PDE4D: variants seen among roughly 807,000 people sequenced by gnomAD.
PDE4D encodes the protein phosphodiesterase 4D.
A neutral mutation model predicts 87.4 loss-of-function variants in PDE4D; 24 were observed. The ratio of observed to expected loss-of-function variants is 0.27; its 90% confidence interval spans 0.20 to 0.39. The LOEUF (loss-of-function observed/expected upper bound fraction) is 0.39. Ranked by LOEUF, PDE4D falls within the 10% of genes least tolerant of loss-of-function variation. The pLI, the probability that PDE4D is intolerant of heterozygous loss-of-function variation, is 1.00. For missense variants in PDE4D, 714 were observed against 1,041.0 expected (o/e 0.69, Z 4.32); for synonymous variants, 384 against 383.2 (o/e 1.00, Z -0.02).
chr5:59,697,863 A>G (rs192407705), intron 1 of PDE4D, among the ~76,000 whole-genome samples: 7 of 152,294 alleles, frequency 4.6e-5, no homozygotes, highest in African/African-American at 1.4e-4. Flanking sequence ...AATTGTCCCA[A>G]TGGATCTAGC....
chr5:59,455,446 G>A (rs1044286339), intron 1 of PDE4D, among the ~76,000 whole-genome samples: 1 of 152,228 alleles, frequency 6.6e-6, no homozygotes, highest in Non-Finnish European at 1.5e-5. Flanking sequence ...CAAGAATTGA[G>A]GTTTGGGAAC....
At chr5:59,940,969 AT>A (rs1757114345) in intron 3 of PDE4D, among the ~76,000 whole-genome samples, 1 of 152,054 alleles carries the variant, frequency 6.6e-6, no homozygotes, top group South Asian at 2.1e-4. Context: ...TATGGGTTAT[AT>A]TTTTTGTTTC....
intron 1 of PDE4D, among the ~76,000 whole-genome samples, chr5:60,436,638 C>T (rs1049201648): frequency 6.6e-6 from 1 of 152,052 alleles, no homozygotes; most frequent in Non-Finnish European, 1.5e-5. Context: ...AGTATGATTG[C>T]CCACTGCCTA....
At chr5:59,777,711 C>A (rs1764215469) in intron 1 of PDE4D, among the ~76,000 whole-genome samples, 1 of 152,120 alleles carries the variant, frequency 6.6e-6, no homozygotes, top group Admixed American at 6.6e-5. Flanking sequence ...GATCCTATTT[C>A]TTTATATTCA....
chr5:59,068,668 G>A (rs1478075912), intron 5 of PDE4D, among the ~76,000 whole-genome samples: 3 of 152,176 alleles, frequency 2.0e-5, no homozygotes, highest in African/African-American at 7.2e-5. Context: ...CAACATGTAA[G>A]CACATGTAAA....
chr5:60,434,153 G>C (rs762766460), intron 1 of PDE4D, among the ~76,000 whole-genome samples: 41 of 152,136 alleles, frequency 2.7e-4, no homozygotes, highest in Non-Finnish European at 5.7e-4. Flanking sequence ...GATGACACTT[G>C]AATTCAGCTT....
intron 1 of PDE4D, among the ~76,000 whole-genome samples, chr5:60,194,147 A>G (rs1306403126): frequency 6.6e-6 from 1 of 151,608 alleles, no homozygotes; most frequent in Non-Finnish European, 1.5e-5. Context: ...ATTTGAAAAA[A>G]AATGTCTGTT....
intron 1 of PDE4D, among the ~76,000 whole-genome samples, chr5:60,446,985 G>T (rs955428911): frequency 6.6e-6 from 1 of 152,146 alleles, no homozygotes; most frequent in Non-Finnish European, 1.5e-5. Flanking sequence ...AATTCTCCAG[G>T]AATGATAAAG....
intron 1 of PDE4D, among the ~76,000 whole-genome samples, chr5:59,575,892 G>C (rs1823063489): frequency 6.6e-6 from 1 of 152,060 alleles, no homozygotes; most frequent in South Asian, 2.1e-4. Flanking sequence ...TTCTTGCTGA[G>C]GCTTGAGAGA....
chr5:59,898,567 G>A (rs143284926), upstream of PDE4D, among the ~76,000 whole-genome samples: 74 of 152,314 alleles, frequency 4.9e-4, no homozygotes, highest in African/African-American at 1.6e-3. Flanking sequence ...CAGTATGTGT[G>A]AATACATATG....
intron 2 of PDE4D, among the ~76,000 whole-genome samples, chr5:60,181,344 G>GT: frequency 6.6e-6 from 1 of 152,028 alleles, no homozygotes; most frequent in Non-Finnish European, 1.5e-5. Flanking sequence ...ATATTCTAGG[G>GT]AGCCTACTGG....
intron 2 of PDE4D, among the ~76,000 whole-genome samples, chr5:59,994,136 T>C (rs1469344282): frequency 6.6e-6 from 1 of 151,912 alleles, no homozygotes; most frequent in East Asian, 1.9e-4. Flanking sequence ...AAGTAGACAA[T>C]AAACTACTTA....
intron 6 of PDE4D, among the ~76,000 whole-genome samples, chr5:59,001,799 A>T (rs1432545132): frequency 6.6e-6 from 1 of 152,232 alleles, no homozygotes; most frequent in Admixed American, 6.5e-5. Flanking sequence ...TATTTAAAGT[A>T]GTTCTTAGTA....
At chr5:60,359,223 A>G (rs1048879217) in intron 1 of PDE4D, among the ~76,000 whole-genome samples, 1 of 152,186 alleles carries the variant, frequency 6.6e-6, no homozygotes, top group Non-Finnish European at 1.5e-5. Flanking sequence ...CCTGGGCAAC[A>G]TGACAAAACC....
chr5:59,199,310 C>G (rs917351413), intron 2 of PDE4D, among the ~76,000 whole-genome samples: 1 of 149,604 alleles, frequency 6.7e-6, no homozygotes, highest in Admixed American at 6.7e-5. Context: ...CCAGACTGGC[C>G]TTGAACTCCT....
intron 1 of PDE4D, among the ~76,000 whole-genome samples, chr5:60,451,674 T>G (rs1212804097): frequency 6.6e-6 from 1 of 152,068 alleles, no homozygotes; most frequent in African/African-American, 2.4e-5. Flanking sequence ...TGCAGAAGTT[T>G]GAATGGAGTT....
chr5:59,692,052 A>C (rs1463001646), intron 1 of PDE4D, among the ~76,000 whole-genome samples: 1 of 152,170 alleles, frequency 6.6e-6, no homozygotes, highest in Non-Finnish European at 1.5e-5. Context: ...AAGAATTCAT[A>C]GGTTTCATCC....
At chr5:59,916,059 C>A (rs2152774364) in intron 3 of PDE4D, among the ~76,000 whole-genome samples, 1 of 152,278 alleles carries the variant, frequency 6.6e-6, no homozygotes, top group East Asian at 1.9e-4. Flanking sequence ...CTCTACTCAT[C>A]ACACCACACA....
intron 1 of PDE4D, among the ~76,000 whole-genome samples, chr5:59,655,272 G>C (rs1376275462): frequency 6.6e-6 from 1 of 152,122 alleles, no homozygotes; most frequent in Non-Finnish European, 1.5e-5. Context: ...AATTAACACT[G>C]TAAGAGCTTG....
Sources: gnomAD v4.1 joint callset for allele counts (sites outside exome capture counted in the v4.1 genomes callset) on GRCh38, gnomAD v4.1.1 for gene constraint, MANE v1.5 for transcripts, NCBI Gene and HGNC (gene_info 2026-07-23, HGNC 2026-07-21) for gene names.